TAS2R1: variants seen among roughly 807,000 people sequenced by gnomAD.
TAS2R1 encodes the protein taste receptor type 2 member 1.
For missense variants in TAS2R1, 370 were observed against 353.4 expected (o/e 1.05, Z -0.38); for synonymous variants, 141 against 134.2 (o/e 1.05, Z -0.35).
intron 2 of TAS2R1, among the ~76,000 whole-genome samples, chr5:9,638,714 C>A (rs1204573853): frequency 1.3e-5 from 2 of 152,114 alleles, no homozygotes; most frequent in African/African-American, 4.8e-5. Context: ...GTTTGGCTAC[C>A]AGGGAAGGTA....
chr5:9,656,729 C>A (rs1384849600), intron 2 of TAS2R1, among the ~76,000 whole-genome samples: 1 of 152,174 alleles, frequency 6.6e-6, no homozygotes, highest in African/African-American at 2.4e-5. Flanking sequence ...GTGGCCCAGT[C>A]AAGTTGACAT....
the TAS2R1 span, among the ~76,000 whole-genome samples, chr5:9,876,321 G>A: frequency 2.0e-5 from 3 of 152,090 alleles, no homozygotes; most frequent in Non-Finnish European, 4.4e-5. Context: ...CAGAGGACAC[G>A]TGAGGCATGG....
chr5:9,837,680 T>G, the TAS2R1 span, among the ~76,000 whole-genome samples: 2 of 152,198 alleles, frequency 1.3e-5, no homozygotes, highest in East Asian at 3.8e-4. Flanking sequence ...ACGTCTCCAC[T>G]GGAAACACCT....
the TAS2R1 span, among the ~76,000 whole-genome samples, chr5:9,890,113 G>A: frequency 6.6e-6 from 1 of 152,054 alleles, no homozygotes; most frequent in Admixed American, 6.5e-5. Context: ...AAGAAAAAGG[G>A]ACTCGGGATC....
the TAS2R1 span, among the ~76,000 whole-genome samples, chr5:9,851,741 C>A: frequency 6.6e-6 from 1 of 152,150 alleles, no homozygotes; most frequent in African/African-American, 2.4e-5. Flanking sequence ...CTGCCCAGTA[C>A]TGGAAGGTGC....
At chr5:9,840,318 TCTC>T in the TAS2R1 span, among the ~76,000 whole-genome samples, 1 of 152,174 alleles carries the variant, frequency 6.6e-6, no homozygotes, top group Non-Finnish European at 1.5e-5. Context: ...CGAGTTTACA[TCTC>T]CTGTTCAATC....
chr5:9,878,224 A>G, the TAS2R1 span, among the ~76,000 whole-genome samples: 10 of 152,328 alleles, frequency 6.6e-5, no homozygotes, highest in African/African-American at 2.4e-4. Flanking sequence ...CTTGAACACC[A>G]TCCAGGGTGT....
the TAS2R1 span, among the ~76,000 whole-genome samples, chr5:9,857,759 G>A: frequency 1.3e-4 from 20 of 152,122 alleles, no homozygotes; most frequent in Non-Finnish European, 2.5e-4. Context: ...CTGAACATTT[G>A]AAAAAGTAGA....
At chr5:9,784,325 C>T in the TAS2R1 span, among the ~76,000 whole-genome samples, 4 of 152,150 alleles carry the variant, frequency 2.6e-5, no homozygotes, top group African/African-American at 4.8e-5. Flanking sequence ...CTTGGGCTCT[C>T]ATACATCCAG....
At chr5:9,790,592 T>C in the TAS2R1 span, among the ~76,000 whole-genome samples, 1 of 152,208 alleles carries the variant, frequency 6.6e-6, no homozygotes, top group African/African-American at 2.4e-5. Context: ...AATACAGCAT[T>C]GTGTGTGTCT....
chr5:9,898,086 A>G, the TAS2R1 span, among the ~76,000 whole-genome samples: 1 of 152,218 alleles, frequency 6.6e-6, no homozygotes, highest in African/African-American at 2.4e-5. Flanking sequence ...CTAAGCTTTA[A>G]ACTATTAATA....
At chr5:9,740,832 C>T in the TAS2R1 span, among the ~76,000 whole-genome samples, 57 of 152,304 alleles carry the variant, frequency 3.7e-4, no homozygotes, top group African/African-American at 1.4e-3. Flanking sequence ...TCTTACACTG[C>T]ACCGTAATCA....
the TAS2R1 span, among the ~76,000 whole-genome samples, chr5:9,892,989 A>T: frequency 3.3e-5 from 5 of 152,150 alleles, no homozygotes; most frequent in African/African-American, 1.2e-4. Context: ...CATGTCCCAC[A>T]AAAGAACCCC....
chr5:9,893,840 A>G, the TAS2R1 span, among the ~76,000 whole-genome samples: 2 of 152,212 alleles, frequency 1.3e-5, no homozygotes, highest in Non-Finnish European at 2.9e-5. Flanking sequence ...ATCTACCTTT[A>G]AAGACTGCTC....
chr5:9,794,304 A>G, the TAS2R1 span, among the ~76,000 whole-genome samples: 2 of 152,192 alleles, frequency 1.3e-5, no homozygotes, highest in Non-Finnish European at 2.9e-5. Flanking sequence ...TATTATATTT[A>G]TAAGAGCTGG....
the TAS2R1 span, among the ~76,000 whole-genome samples, chr5:9,782,730 A>G: frequency 6.6e-6 from 1 of 152,214 alleles, no homozygotes; most frequent in Admixed American, 6.5e-5. Context: ...TTTTAAAGGC[A>G]ATACATCTTT....
intron 1 of TAS2R1, among the ~76,000 whole-genome samples, chr5:9,704,668 A>G (rs1354252857): frequency 6.6e-6 from 1 of 152,236 alleles, no homozygotes; most frequent in East Asian, 1.9e-4. Context: ...CAACTAATAT[A>G]CAACTGAGGT....
At chr5:9,866,381 C>A in the TAS2R1 span, among the ~76,000 whole-genome samples, 3 of 152,080 alleles carry the variant, frequency 2.0e-5, no homozygotes, top group Non-Finnish European at 4.4e-5. Context: ...ATCTGTATTT[C>A]TCTTGTTTTT....
At chr5:9,752,647 C>T in the TAS2R1 span, among the ~76,000 whole-genome samples, 2 of 152,016 alleles carry the variant, frequency 1.3e-5, no homozygotes, top group Non-Finnish European at 1.5e-5. Context: ...GTGCTGCACC[C>T]ATTAACTCGT....
Sources: allele counts gnomAD v4.1 joint callset (sites outside exome capture counted in the v4.1 genomes callset), GRCh38; gene constraint gnomAD v4.1.1; transcripts MANE v1.5; gene names NCBI Gene and HGNC (gene_info 2026-07-23, HGNC 2026-07-21).